The following CHST6 variants were observed in gnomAD, a reference collection of about 807,000 sequenced individuals.
The protein encoded by CHST6 is carbohydrate sulfotransferase 6, also known as N-acetylglucosamine 6-O-sulfotransferase 5.
For missense variants in CHST6, 698 were observed against 586.2 expected (o/e 1.19, Z -1.97); for synonymous variants, 309 against 276.4 (o/e 1.12, Z -1.17).
rs537477746 is a variant in CHST6, at chr16:75,492,983, T to C, written c.-92+1957A>G. Among the ~76,000 whole-genome samples the C allele has an allele frequency of 1.6e-4, 25 of 152,292 alleles. 1 individual carries two copies. The highest frequency in any genetic ancestry group is 1.6e-3 in the Admixed American group (25 of 15,272). ...GAGGTAATCAGATATATTTCAATAT[T>C]GACTAATAGGTGATAGTGAGAAATT... On this transcript the variant is annotated intron_variant, in intron 1 of 2. Transcript: ENST00000332272.
At chr16:75,489,098 G>C (rs1301217545) in intron 1 of CHST6, among the ~76,000 whole-genome samples, 1 of 151,680 alleles carries the variant, frequency 6.6e-6, no homozygotes, top group Non-Finnish European at 1.5e-5. Context: ...GGAAAGTGAG[G>C]TGTAGAAAAA....
At chr16:75,488,947 G>C (rs921713169) in intron 1 of CHST6, among the ~76,000 whole-genome samples, 1 of 151,962 alleles carries the variant, frequency 6.6e-6, no homozygotes, top group Admixed American at 6.6e-5. Flanking sequence ...GAGTGTTCAT[G>C]GGGGGCAGGA....
In CHST6 at chr16:75,479,664, G is replaced by A; in HGVS notation, c.165C>T (p.Phe55=). The change falls in exon 3 of 3, where the codon TTC becomes TTT. Residue 55 remains phenylalanine, a synonymous_variant. Coordinates refer to ENST00000332272, the MANE Select transcript of CHST6 (RefSeq NM_021615.5). ...GGTGCTGGTTGAAGAGTTGGCCCAC[G>A]AAGGACGAGCCCGAGCGCCACGAGG... ...VLSSWRSGSS[F]VGQLFNQHPD... 1 of 1,612,592 alleles carries A rather than the reference G, an allele frequency of 6.2e-7. No individual in the cohort carries two copies. Among genetic ancestry groups the A allele is most frequent in the Non-Finnish European group, 8.5e-7 (1 of 1,179,716 alleles).
intron 2 of CHST6, among the ~76,000 whole-genome samples, chr16:75,481,169 G>A (rs962451185): frequency 3.3e-5 from 5 of 151,666 alleles, no homozygotes; most frequent in South Asian, 2.1e-4. Flanking sequence ...CCTGCTATTC[G>A]GGAGGCTGAG....
At chr16:75,487,604 C>T (rs1355356303) in intron 1 of CHST6, among the ~76,000 whole-genome samples, 1 of 151,998 alleles carries the variant, frequency 6.6e-6, no homozygotes, top group Admixed American at 6.6e-5. Context: ...TCGACATCTT[C>T]TTGGCTAACA....
intron 1 of CHST6, among the ~76,000 whole-genome samples, chr16:75,494,196 C>T (rs527747603): frequency 6.6e-6 from 1 of 152,254 alleles, no homozygotes; most frequent in African/African-American, 2.4e-5. Context: ...GTCTCTACTA[C>T]CAGTGAGGGG....
chr16:75,481,101 A>C (rs571729733), intron 2 of CHST6, among the ~76,000 whole-genome samples: 1 of 151,478 alleles, frequency 6.6e-6, no homozygotes, highest in East Asian at 1.9e-4. Context: ...TGTCTCTACA[A>C]AAACATTAAA....
chr16:75,487,702 G>C (rs942833124), intron 1 of CHST6, among the ~76,000 whole-genome samples: 1 of 151,714 alleles, frequency 6.6e-6, no homozygotes, highest in African/African-American at 2.4e-5. Flanking sequence ...AGGAGGCTGA[G>C]GTGGGAGAAT....
chr16:75,491,182 AAAAAAAAAATATAT>A lies in CHST6; in HGVS notation c.-92+3744_-92+3757del, dbSNP rs2080250119. Among the ~76,000 whole-genome samples, 3 of 80,442 alleles carry A rather than the reference AAAAAAAAAATATAT, an allele frequency of 3.7e-5. No homozygotes were observed. The South Asian group carries it at 1.5e-3, about 40-fold the overall frequency. The allele number at this position is 80,442 out of a possible 152,430, so 52.8% of individuals were successfully genotyped here. On this transcript the variant is annotated intron_variant, in intron 1 of 2. Transcript: ENST00000332272. ...CTCCGTCTTAAAAAAAAAAAAAAAA[AAAAAAAAAATATAT>A]ATATATATATATATATATATATAAA...
At position 75,476,914 on chromosome 16, in the gene CHST6, T is replaced by C. The variant is rs1315540537; in HGVS notation, c.*1727A>G. The C allele has an allele frequency of 1.3e-5, 2 of 152,066 alleles. No individual in the cohort carries two copies. The highest frequency in any genetic ancestry group is 2.9e-5 in the Non-Finnish European group (2 of 68,040). The allele number at this position is 152,066 out of a possible 1,614,324, so 9.4% of individuals were successfully genotyped here. A position where few individuals can be genotyped will look rare whatever the true frequency, so the allele number is the denominator to read the frequency against. ...TATGTGCGACCATGCCTCGCTAATT[T>C]TGTATTTTTAGTAGAGGAGGGGCTT... is the stretch of plus-strand genomic sequence containing the variant. On this transcript the variant is annotated 3_prime_UTR_variant, in exon 3 of 3. Transcript: ENST00000332272.
intron 1 of CHST6, among the ~76,000 whole-genome samples, chr16:75,483,611 T>TA (rs2080165086): frequency 6.6e-6 from 1 of 152,152 alleles, no homozygotes; most frequent in Non-Finnish European, 1.5e-5. Context: ...TCTTCATGAT[T>TA]AAATGCTATC....
At position 75,479,144 on chromosome 16, in the gene CHST6, T is replaced by A. The variant is rs1308445838; in HGVS notation, c.685A>T (p.Asn229Tyr). 2 of 1,606,880 alleles carry A rather than the reference T, an allele frequency of 1.2e-6. No homozygotes were observed. The highest frequency in any genetic ancestry group is 2.7e-5 in the African/African-American group (2 of 74,868). ...GGGTCGGCCTCCACCCACGTGCCGT[T>A]GGTGCCCAGCACGATGCCGTTGTCA... is the stretch of plus-strand genomic sequence containing the variant. ...ARDNGIVLGT[N>Y]GTWVEADPGL... Residue 229 changes from asparagine to tyrosine, a missense_variant, in exon 3 of 3, where the codon AAC (asparagine) becomes TAC (tyrosine). Transcript: ENST00000332272.
At chr16:75,482,574 T>C (rs1038119708) in intron 1 of CHST6, among the ~76,000 whole-genome samples, 1 of 152,120 alleles carries the variant, frequency 6.6e-6, no homozygotes, top group Admixed American at 6.6e-5. Flanking sequence ...CACACATGTC[T>C]CACAGGGTGG....
At chr16:75,492,175 C>T (rs2080263254) in intron 1 of CHST6, among the ~76,000 whole-genome samples, 1 of 152,272 alleles carries the variant, frequency 6.6e-6, no homozygotes. Context: ...TGGCTCAGAG[C>T]CACTGCCCTG....
intron 1 of CHST6, among the ~76,000 whole-genome samples, chr16:75,483,971 C>A (rs997209043): frequency 4.6e-5 from 7 of 152,086 alleles, no homozygotes; most frequent in Non-Finnish European, 7.3e-5. Context: ...TTGCAGTGAG[C>A]AGAGACTGTG....
At chr16:75,481,281 A>T (rs2080138978) in intron 2 of CHST6, among the ~76,000 whole-genome samples, 1 of 147,714 alleles carries the variant, frequency 6.8e-6, no homozygotes, top group Non-Finnish European at 1.5e-5. Flanking sequence ...GACTCAAAAC[A>T]TACAGTACAA....
chr16:75,492,767 T>C lies in CHST6; in HGVS notation c.-92+2173A>G, dbSNP rs2080269657. On this transcript the variant is annotated intron_variant, in intron 1 of 2. Transcript: ENST00000332272. Reference sequence around the variant, plus strand: ...CAGGAGGCTGAGGCAGGAGAATCACTGGAGCCAGGAGTCCGAAGCTGCAGT... The same window carrying C: ...CAGGAGGCTGAGGCAGGAGAATCACCGGAGCCAGGAGTCCGAAGCTGCAGT... 2.9e-5 allele frequency among the ~76,000 whole-genome samples: 3 copies of C among 102,908 alleles called. No individual in the cohort carries two copies. In the Admixed American group the frequency reaches 3.1e-4, roughly 11 times the overall value. 67.5% of individuals were successfully genotyped at this position (102,908 alleles called of 152,430 possible). A position where few individuals can be genotyped will look rare whatever the true frequency, so the allele number is the denominator to read the frequency against.
In CHST6 at chr16:75,477,978, G is replaced by A. The variant is rs1220212956; in HGVS notation, c.*663C>T. 1 of 155,982 alleles carries A rather than the reference G, an allele frequency of 6.4e-6. No individual in the cohort carries two copies. Among genetic ancestry groups the A allele is most frequent in the Non-Finnish European group, 1.4e-5 (1 of 70,522 alleles). 9.7% of individuals were successfully genotyped at this position (155,982 alleles called of 1,614,324 possible). ...AGGCTTGTCCAGCATGATAAACTCTGGTCTCAGCATTCACAGCCTCCTCTA... is the reference window on the plus strand; with the variant it reads ...AGGCTTGTCCAGCATGATAAACTCTAGTCTCAGCATTCACAGCCTCCTCTA... On this transcript the variant is annotated 3_prime_UTR_variant, in exon 3 of 3. Coordinates refer to ENST00000332272, the MANE Select transcript of CHST6 (RefSeq NM_021615.5).
chr16:75,489,453 C>G (rs915141378), intron 1 of CHST6, among the ~76,000 whole-genome samples: 2 of 148,198 alleles, frequency 1.3e-5, no homozygotes, highest in Admixed American at 6.7e-5. Context: ...GAAGAATTCA[C>G]ACAGTGGCTG....
Sources: gnomAD v4.1 joint callset for allele counts (sites outside exome capture counted in the v4.1 genomes callset) on GRCh38, gnomAD v4.1.1 for gene constraint, MANE v1.5 for transcripts, NCBI Gene and HGNC (gene_info 2026-07-23, HGNC 2026-07-21) for gene names.